Variants in ROBO2 observed in about 807,000 individuals in gnomAD.
ROBO2 encodes the protein roundabout guidance receptor 2, also known as roundabout homolog 2.
In ROBO2, 53 loss-of-function variants were observed where a neutral mutation model predicts 160.8. The ratio of observed to expected loss-of-function variants is 0.33; its 90% CI spans 0.26 to 0.41. The LOEUF is 0.41. Ranked by LOEUF, ROBO2 falls within the 10% of genes least tolerant of loss-of-function variation. ROBO2 has a pLI of 1.00. For missense variants in ROBO2, 1,577 were observed against 1,722.4 expected, an observed-to-expected ratio of 0.92 and a Z score of 1.49; for synonymous variants, 664 against 611.7, an observed-to-expected ratio of 1.09 and a Z score of -1.26.
chr3:75,922,124 G>C (rs1321463253), intron 1 of ROBO2, among the ~76,000 whole-genome samples: 1 of 152,070 alleles, frequency 6.6e-6, no homozygotes, highest in Non-Finnish European at 1.5e-5. Context: ...TCCAATATAT[G>C]ATAAAGATAG....
At chr3:76,283,588 G>A (rs1218980861) in intron 2 of ROBO2, among the ~76,000 whole-genome samples, 2 of 151,882 alleles carry the variant, frequency 1.3e-5, no homozygotes, top group Admixed American at 6.6e-5. Flanking sequence ...GCTTTTAAAA[G>A]AGTGAATTTC....
At chr3:76,244,220 T>C (rs1705478719) in intron 2 of ROBO2, among the ~76,000 whole-genome samples, 1 of 152,230 alleles carries the variant, frequency 6.6e-6, no homozygotes, top group Non-Finnish European at 1.5e-5. Context: ...GAGAGACTGC[T>C]CAGATGTAGC....
chr3:76,501,542 G>A (rs2107643999), intron 2 of ROBO2, among the ~76,000 whole-genome samples: 1 of 152,296 alleles, frequency 6.6e-6, no homozygotes, highest in African/African-American at 2.4e-5. Flanking sequence ...ATGTGGAGTA[G>A]TAGCAGACAA....
At chr3:76,377,133 T>A (rs2076387301) in intron 2 of ROBO2, among the ~76,000 whole-genome samples, 1 of 152,114 alleles carries the variant, frequency 6.6e-6, no homozygotes, top group African/African-American at 2.4e-5. Context: ...AAAATTCAAT[T>A]TCTTATGGCC....
chr3:76,009,624 T>A (rs2066136978), intron 2 of ROBO2, among the ~76,000 whole-genome samples: 1 of 152,230 alleles, frequency 6.6e-6, no homozygotes, highest in Non-Finnish European at 1.5e-5. Context: ...GAATGAAATA[T>A]ACAACCTAAT....
intron 6 of ROBO2, among the ~76,000 whole-genome samples, chr3:77,534,668 T>G (rs1261210918): frequency 6.6e-6 from 1 of 152,238 alleles, no homozygotes; most frequent in Non-Finnish European, 1.5e-5. Context: ...ATTAAAAATA[T>G]ATAAACTAGC....
intron 2 of ROBO2, among the ~76,000 whole-genome samples, chr3:76,909,356 C>T (rs1051581590): frequency 6.6e-6 from 1 of 152,108 alleles, no homozygotes; most frequent in Admixed American, 6.6e-5. Flanking sequence ...ACAGTGTCAA[C>T]AATATGCTAG....
intron 2 of ROBO2, among the ~76,000 whole-genome samples, chr3:76,257,477 T>C (rs760944942): frequency 3.9e-5 from 6 of 152,204 alleles, no homozygotes; most frequent in Non-Finnish European, 8.8e-5. Context: ...CACATTATTA[T>C]ATGATGTTTA....
intron 2 of ROBO2, among the ~76,000 whole-genome samples, chr3:77,291,446 A>T (rs2061240301): frequency 6.6e-6 from 1 of 151,434 alleles, no homozygotes. Context: ...CACCCCAGAC[A>T]TGAAGTAAAA....
chr3:77,386,448 C>A (rs547560720), intron 2 of ROBO2, among the ~76,000 whole-genome samples: 2 of 152,126 alleles, frequency 1.3e-5, no homozygotes, highest in African/African-American at 2.4e-5. Context: ...GTAATTCAGA[C>A]TGTGAAAATT....
In ROBO2 at chr3:76,250,748, A is replaced by T. The variant is rs1054166670; in HGVS notation, c.109+313146A>T. 2.0e-5 allele frequency among the ~76,000 whole-genome samples: 3 copies of T among 152,082 alleles called. No homozygotes were observed. The South Asian group carries it at 6.2e-4, about 31-fold the overall frequency. ...GTACTAATAGTACTAAAAATGGAGAAAGGTTTTTAAAAAGTTTCTTTTAAC... is the reference window on the plus strand; with the variant it reads ...GTACTAATAGTACTAAAAATGGAGATAGGTTTTTAAAAAGTTTCTTTTAAC... On this transcript the variant is annotated intron_variant, in intron 2 of 26. Coordinates refer to the ROBO2 transcript ENST00000487694.
chr3:76,276,588 A>G (rs781674475), intron 2 of ROBO2, among the ~76,000 whole-genome samples: 2 of 152,064 alleles, frequency 1.3e-5, no homozygotes, highest in Non-Finnish European at 2.9e-5. Flanking sequence ...ACTACTTTTT[A>G]TAAATTGTTC....
chr3:76,789,956 G>A (rs570534889), intron 2 of ROBO2, among the ~76,000 whole-genome samples: 3 of 151,544 alleles, frequency 2.0e-5, no homozygotes, highest in Non-Finnish European at 1.5e-5. Context: ...TGTTAATTTG[G>A]CCACATATAA....
chr3:76,302,298 C>T (rs1187044925), intron 2 of ROBO2, among the ~76,000 whole-genome samples: 1 of 152,018 alleles, frequency 6.6e-6, no homozygotes, highest in Non-Finnish European at 1.5e-5. Context: ...TATTTTCCAG[C>T]TTATCAATGA....
chr3:76,418,643 G>T (rs2075859457), intron 2 of ROBO2, among the ~76,000 whole-genome samples: 2 of 149,324 alleles, frequency 1.3e-5, no homozygotes, highest in Non-Finnish European at 3.0e-5. Flanking sequence ...AGAGCTATTT[G>T]CTCAAATAAA....
At chr3:77,377,457 T>C (rs146634602) in intron 2 of ROBO2, among the ~76,000 whole-genome samples, 2 of 152,338 alleles carry the variant, frequency 1.3e-5, no homozygotes, top group Non-Finnish European at 2.9e-5. Flanking sequence ...ATATAACATA[T>C]TACAGTGATC....
At chr3:77,317,192 G>T in intron 2 of ROBO2, 1 of 864,052 alleles carries the variant, frequency 1.2e-6, no homozygotes, top group Non-Finnish European at 2.0e-6. Context: ...AGAGCACCCC[G>T]GATGGAAGGC....
At chr3:77,180,416 C>CTCTATATATATATATATATATATATATA (rs1433740534) in intron 2 of ROBO2, among the ~76,000 whole-genome samples, 3 of 90,726 alleles carry the variant, frequency 3.3e-5, no homozygotes, top group Non-Finnish European at 6.8e-5. Context: ...CTCTCTCTCT[C>CTCTATATATATATATATATATATATATA]TATATATATA....
intron 2 of ROBO2, among the ~76,000 whole-genome samples, chr3:77,361,016 T>G (rs1156898718): frequency 2.0e-5 from 3 of 152,200 alleles, no homozygotes; most frequent in African/African-American, 7.2e-5. Context: ...ATTATTAGTT[T>G]AAAATTCCAG....
Sources: allele counts gnomAD v4.1 joint callset (sites outside exome capture counted in the v4.1 genomes callset), GRCh38; gene constraint gnomAD v4.1.1; transcripts MANE v1.5; gene names NCBI Gene and HGNC (gene_info 2026-07-23, HGNC 2026-07-21).